STON2: variants seen among roughly 807,000 people sequenced by gnomAD.
The protein encoded by STON2 is stonin-2.
STON2 carries 29 observed loss-of-function variants against 65.7 expected under a neutral mutation model. The ratio of observed to expected loss-of-function variants is 0.44; its 90% CI spans 0.33 to 0.60. The LOEUF (loss-of-function observed/expected upper bound fraction) is 0.60. Ranked by LOEUF, STON2 falls within the 20% of genes least tolerant of loss-of-function variation. The pLI is 0.03. For synonymous variants in STON2, 404 were observed against 414.2 expected, an observed-to-expected ratio of 0.98 and a Z score of 0.30; for missense variants, 1,054 against 1,118.1, an observed-to-expected ratio of 0.94 and a Z score of 0.82.
At chr14:81,354,687 G>T (rs984847468) in intron 4 of STON2, among the ~76,000 whole-genome samples, 2 of 152,064 alleles carry the variant, frequency 1.3e-5, no homozygotes, top group African/African-American at 4.8e-5. Context: ...ACAAAAAATA[G>T]AAATCCTAGA....
chr14:81,361,896 A>AAC (rs1463020236), intron 4 of STON2, among the ~76,000 whole-genome samples: 3 of 152,170 alleles, frequency 2.0e-5, no homozygotes, highest in African/African-American at 4.8e-5. Context: ...TATAATACTC[A>AAC]ACATCATTAA....
chr14:81,273,169 T>C (rs1433276727), intron 6 of STON2, among the ~76,000 whole-genome samples: 1 of 152,232 alleles, frequency 6.6e-6, no homozygotes, highest in African/African-American at 2.4e-5. Context: ...TCCACCAAAG[T>C]GTACTCACAG....
At chr14:81,420,414 C>A (rs894260437) in intron 2 of STON2, among the ~76,000 whole-genome samples, 2 of 152,184 alleles carry the variant, frequency 1.3e-5, no homozygotes, top group African/African-American at 4.8e-5. Flanking sequence ...CACAGAACAT[C>A]GCCCATTCAT....
intron 4 of STON2, 95 bp downstream of exon 4, chr14:81,370,893 A>G (rs1373587540): frequency 8.6e-7 from 1 of 1,164,260 alleles, no homozygotes; most frequent in East Asian, 2.4e-5. Flanking sequence ...TCTGCAAAGG[A>G]AGCCAGCTGC....
At chr14:81,414,870 A>G (rs997928350) in intron 2 of STON2, among the ~76,000 whole-genome samples, 1 of 152,088 alleles carries the variant, frequency 6.6e-6, no homozygotes, top group Non-Finnish European at 1.5e-5. Context: ...TAAGAATGTG[A>G]GTGAGAATGC....
chr14:81,342,061 C>A (rs1897632663), intron 4 of STON2, among the ~76,000 whole-genome samples: 1 of 152,160 alleles, frequency 6.6e-6, no homozygotes, highest in African/African-American at 2.4e-5. Context: ...AAAGTATAAA[C>A]CACGCTAGAC....
intron 2 of STON2, among the ~76,000 whole-genome samples, chr14:81,414,942 A>G (rs778269454): frequency 6.6e-6 from 1 of 152,104 alleles, no homozygotes; most frequent in Non-Finnish European, 1.5e-5. Context: ...AAAAGGTAAG[A>G]TCTGCCCATG....
At chr14:81,409,298 G>A (rs367721840) in intron 2 of STON2, among the ~76,000 whole-genome samples, 4 of 151,766 alleles carry the variant, frequency 2.6e-5, no homozygotes, top group African/African-American at 9.7e-5. Context: ...CCAGCTACTC[G>A]GGAGGCTGAG....
At chr14:81,337,553 G>A (rs1413920211) in intron 4 of STON2, among the ~76,000 whole-genome samples, 1 of 152,158 alleles carries the variant, frequency 6.6e-6, no homozygotes, top group Admixed American at 6.5e-5. Context: ...TGAGGTGGTT[G>A]GGGAAGGCCT....
At chr14:81,271,046 G>A (rs1291649686) in intron 6 of STON2, among the ~76,000 whole-genome samples, 174 bp from the exon 7 acceptor site, 1 of 152,156 alleles carries the variant, frequency 6.6e-6, no homozygotes, top group Non-Finnish European at 1.5e-5. Flanking sequence ...TCACGCTCCT[G>A]TATGCCTCAG....
chr14:81,341,451 TTTTTTG>T (rs1328699198), intron 4 of STON2, among the ~76,000 whole-genome samples: 2 of 122,836 alleles, frequency 1.6e-5, no homozygotes, highest in African/African-American at 4.1e-5. Flanking sequence ...TAAGTGTTTT[TTTTTTG>T]TTTTTTTTTT....
At position 81,343,730 on chromosome 14, in the gene STON2, T is replaced by C. The variant is rs534519104; in HGVS notation, c.572-19543A>G. On this transcript the variant is annotated intron_variant, in intron 4 of 7. Coordinates refer to ENST00000614646, the MANE Select transcript of STON2 (RefSeq NM_001394390.1). ...TTCTGAAAAGTACATTATATTGTCATACTCATAAAAGCTACTCCTTATCAT... is the reference window on the plus strand; with the variant it reads ...TTCTGAAAAGTACATTATATTGTCACACTCATAAAAGCTACTCCTTATCAT... Among the ~76,000 whole-genome samples the C allele has an allele frequency of 1.1e-4, 17 of 152,344 alleles. No individual in the cohort carries two copies. In the East Asian group the frequency reaches 3.3e-3, roughly 29 times the overall value.
At chr14:81,300,653 C>G (rs549085336) in intron 5 of STON2, among the ~76,000 whole-genome samples, 1 of 152,126 alleles carries the variant, frequency 6.6e-6, no homozygotes, top group Non-Finnish European at 1.5e-5. Context: ...CCTAAATACT[C>G]CCATGATAAT....
Position 81,386,806 on chromosome 14 carries a change from A to T in STON2, c.373+9088T>A, listed in dbSNP as rs545331560. 3.8e-3 allele frequency among the ~76,000 whole-genome samples: 582 copies of T among 152,290 alleles called. 4 individuals are homozygous for T. Among genetic ancestry groups the T allele is most frequent in the Non-Finnish European group, 4.3e-3 (293 of 68,028 alleles). Reference sequence around the variant, plus strand: ...AATTTTTTTTTCTTTTTAAATTTTAAGGATGAACTTTGCTCTTTTAGTCCA... The same window carrying T: ...AATTTTTTTTTCTTTTTAAATTTTATGGATGAACTTTGCTCTTTTAGTCCA... On this transcript the variant is annotated intron_variant, in intron 3 of 7. Coordinates refer to ENST00000614646, the MANE Select transcript of STON2 (RefSeq NM_001394390.1).
At chr14:81,354,119 A>G (rs1045370975) in intron 4 of STON2, among the ~76,000 whole-genome samples, 23 of 152,218 alleles carry the variant, frequency 1.5e-4, no homozygotes, top group Non-Finnish European at 2.6e-4. Context: ...CTAAACTCAA[A>G]GAGTGGTATC....
intron 2 of STON2, among the ~76,000 whole-genome samples, chr14:81,422,623 G>A (rs1187218919): frequency 6.6e-6 from 1 of 152,154 alleles, no homozygotes; most frequent in Non-Finnish European, 1.5e-5. Context: ...GGAGGCATTA[G>A]GACAGAGGTC....
chr14:81,359,749 G>A (rs1054674379), intron 4 of STON2, among the ~76,000 whole-genome samples: 12 of 152,160 alleles, frequency 7.9e-5, no homozygotes, highest in African/African-American at 2.9e-4. Flanking sequence ...ATGCCAAAAA[G>A]TAGGATAACC....
At chr14:81,315,646 C>A (rs1489892160) in intron 5 of STON2, among the ~76,000 whole-genome samples, 1 of 152,270 alleles carries the variant, frequency 6.6e-6, no homozygotes, top group Non-Finnish European at 1.5e-5. Context: ...ACTGTCCTTT[C>A]TCAGGGGCAG....
At position 81,277,045 on chromosome 14, in the gene STON2, T is replaced by C; in HGVS notation, c.2437A>G (p.Lys813Glu). 1 of 1,614,250 alleles carries C rather than the reference T, an allele frequency of 6.2e-7. No individual in the cohort carries two copies. The highest frequency in any genetic ancestry group is 8.5e-7 in the Non-Finnish European group (1 of 1,180,046). The change falls in exon 6 of 8, where the codon AAA becomes GAA. Residue 813 changes from lysine (K) to glutamate (E), a missense_variant. Physicochemically the swap from Lys to Glu is moderately conservative, Grantham distance 56. Transcript: ENST00000614646. The stretch of plus-strand genomic sequence containing the variant: ...CCAAAACTTGCCCCCCGGTTCACTT[T>C]GGCTTTCAAAGACTTTTCCCCCAGG... ...SVLGEKSLKA[K>E]VNRGASFGST...
Sources: allele counts gnomAD v4.1 joint callset (sites outside exome capture counted in the v4.1 genomes callset), GRCh38; gene constraint gnomAD v4.1.1; transcripts MANE v1.5; gene names NCBI Gene and HGNC (gene_info 2026-07-23, HGNC 2026-07-21).